The following SGCZ variants were observed in gnomAD, a reference collection of about 807,000 sequenced individuals.
SGCZ encodes zeta-sarcoglycan.
SGCZ carries 40 observed loss-of-function variants against 41.3 expected under a neutral mutation model. The ratio of observed to expected loss-of-function variants is 0.97; its 90% CI spans 0.75 to 1.26. The LOEUF (loss-of-function observed/expected upper bound fraction) is 1.26. Among genes scored for constraint, SGCZ ranks in the 50% most tolerant of loss-of-function variants. The probability of loss-of-function intolerance (pLI) is 0.00; values close to 1 mark genes in which losing one functional copy is unlikely to be tolerated. For synonymous variants in SGCZ, 206 were observed against 137.5 expected, an observed-to-expected ratio of 1.50 and a Z score of -3.49; for missense variants, 552 against 369.8, an observed-to-expected ratio of 1.49 and a Z score of -4.04.
At chr8:14,292,268 G>A (rs1800865933) in intron 3 of SGCZ, among the ~76,000 whole-genome samples, 1 of 151,960 alleles carries the variant, frequency 6.6e-6, no homozygotes, top group South Asian at 2.1e-4. Context: ...AAGTGTGATG[G>A]AGATTTGCAT....
At chr8:14,315,880 G>C (rs2117011283) in intron 3 of SGCZ, among the ~76,000 whole-genome samples, 1 of 151,434 alleles carries the variant, frequency 6.6e-6, no homozygotes, top group East Asian at 1.9e-4. Flanking sequence ...TGACTGTTCA[G>C]AATATTTAAA....
chr8:15,192,550 G>T (rs935563671), intron 1 of SGCZ, among the ~76,000 whole-genome samples: 2 of 152,036 alleles, frequency 1.3e-5, no homozygotes, highest in Non-Finnish European at 2.9e-5. Context: ...TTGAAATTTG[G>T]ATTTCCAATT....
chr8:14,546,137 T>C (rs1421963990), intron 2 of SGCZ, among the ~76,000 whole-genome samples: 5 of 152,164 alleles, frequency 3.3e-5, no homozygotes, highest in African/African-American at 1.2e-4. Flanking sequence ...AACGATATCA[T>C]TTACTCTCAT....
chr8:14,860,708 G>GAAAGAAAGAAAGAAAGAA lies in SGCZ; in HGVS notation c.40-305783_40-305782insTTCTTTCTTTCTTTCTTT, dbSNP rs1554513265. Among the ~76,000 whole-genome samples, 382 of 132,746 alleles carry GAAAGAAAGAAAGAAAGAA rather than the reference G, an allele frequency of 2.9e-3. 2 individuals carry two copies. The highest frequency in any genetic ancestry group is 0.01 in the African/African-American group (337 of 32,632). 87.1% of individuals were successfully genotyped at this position (132,746 alleles called of 152,430 possible). On this transcript the variant is annotated intron_variant, in intron 1 of 7. Transcript: ENST00000382080. ...AGAAAGAAAGAAGGAAAGAAAGAAA[G>GAAAGAAAGAAAGAAAGAA]AGAAAGAAAGAAAGAAAGAAAGAAA...
intron 1 of SGCZ, among the ~76,000 whole-genome samples, chr8:14,814,726 A>G (rs757602468): frequency 6.6e-6 from 1 of 152,168 alleles, no homozygotes; most frequent in African/African-American, 2.4e-5. Context: ...GACTTCTCTC[A>G]TCACCAAATC....
intron 1 of SGCZ, among the ~76,000 whole-genome samples, chr8:14,671,059 C>T (rs560726446): frequency 2.6e-5 from 4 of 152,324 alleles, no homozygotes; most frequent in Admixed American, 6.5e-5. Flanking sequence ...GAGTCCACTG[C>T]GCATTCATTT....
At chr8:15,037,990 T>C (rs1028914674) in intron 1 of SGCZ, among the ~76,000 whole-genome samples, 1 of 152,088 alleles carries the variant, frequency 6.6e-6, no homozygotes, top group Non-Finnish European at 1.5e-5. Context: ...TTCATGTTCA[T>C]AGAATGAAAT....
chr8:14,972,076 G>A (rs1801318086), intron 1 of SGCZ, among the ~76,000 whole-genome samples: 1 of 151,726 alleles, frequency 6.6e-6, no homozygotes, highest in Non-Finnish European at 1.5e-5. Context: ...TCTTCTTTTC[G>A]ATTTTCTGGA....
At chr8:15,113,054 C>G (rs1186416294) in intron 1 of SGCZ, among the ~76,000 whole-genome samples, 4 of 151,792 alleles carry the variant, frequency 2.6e-5, no homozygotes, top group Non-Finnish European at 5.9e-5. Context: ...ACAAAAAATA[C>G]AAAAATTAGC....
intron 4 of SGCZ, among the ~76,000 whole-genome samples, chr8:14,196,919 T>G (rs892899247): frequency 1.3e-5 from 2 of 152,070 alleles, no homozygotes; most frequent in Non-Finnish European, 1.5e-5. Flanking sequence ...TATTTATATA[T>G]AGAGAAAATA....
chr8:14,726,224 C>T (rs1585212186), intron 1 of SGCZ, among the ~76,000 whole-genome samples: 1 of 145,942 alleles, frequency 6.9e-6, no homozygotes, highest in East Asian at 2.0e-4. Flanking sequence ...GATTGTGCCA[C>T]TGCATTCCAG....
chr8:14,318,980 A>C (rs1801820768), intron 3 of SGCZ, among the ~76,000 whole-genome samples: 1 of 151,904 alleles, frequency 6.6e-6, no homozygotes, highest in Non-Finnish European at 1.5e-5. Context: ...GGCAAAACTT[A>C]TTTGAAAAAA....
intron 4 of SGCZ, chr8:14,165,133 G>T (rs894517358): frequency 4.5e-5 from 7 of 155,348 alleles, no homozygotes; most frequent in African/African-American, 1.7e-4. Context: ...GCTACATCAC[G>T]GAGGACTTGT....
intron 2 of SGCZ, among the ~76,000 whole-genome samples, chr8:14,545,327 A>T (rs931567040): frequency 4.6e-5 from 7 of 152,124 alleles, no homozygotes; most frequent in East Asian, 1.9e-4. Flanking sequence ...GCCCAATAAG[A>T]TAATTTTTAT....
chr8:14,955,291 T>A (rs528393433), intron 1 of SGCZ, among the ~76,000 whole-genome samples: 2 of 152,338 alleles, frequency 1.3e-5, no homozygotes, highest in East Asian at 3.9e-4. Context: ...TATACTGTTT[T>A]TCTTTTGTGT....
chr8:14,393,719 T>G (rs1585445690), intron 2 of SGCZ, among the ~76,000 whole-genome samples: 1 of 152,096 alleles, frequency 6.6e-6, no homozygotes, highest in Admixed American at 6.6e-5. Context: ...TTCTAAATTT[T>G]CCTGACATGT....
At chr8:14,436,700 T>G (rs1800104252) in intron 2 of SGCZ, among the ~76,000 whole-genome samples, 1 of 152,240 alleles carries the variant, frequency 6.6e-6, no homozygotes, top group Non-Finnish European at 1.5e-5. Context: ...TAACAGTTAC[T>G]AATTTCATTA....
At chr8:14,787,518 A>AATAAAAC (rs1800805270) in intron 1 of SGCZ, among the ~76,000 whole-genome samples, 1 of 152,150 alleles carries the variant, frequency 6.6e-6, no homozygotes. Context: ...ACTCTTTAAA[A>AATAAAAC]ACAGTAGTAA....
At position 15,237,627 on chromosome 8, in the gene SGCZ, G is replaced by A. The variant is rs776032745; in HGVS notation, c.-4C>T. ...CCAGGTTCGTTGATCTGTCCATGGA[G>A]CGCAACTAAACGAAGTGGAGAGGAA... On this transcript the variant is annotated 5_prime_UTR_variant, in exon 1 of 8. Coordinates refer to ENST00000382080, the MANE Select transcript of SGCZ (RefSeq NM_139167.4). The A allele has an allele frequency of 1.9e-6, 3 of 1,583,292 alleles. No homozygotes were observed. Among genetic ancestry groups the A allele is most frequent in the Middle Eastern group, 1.7e-4 (1 of 6,028 alleles).
Sources: gnomAD v4.1 joint callset for allele counts (sites outside exome capture counted in the v4.1 genomes callset) on GRCh38, gnomAD v4.1.1 for gene constraint, MANE v1.5 for transcripts, NCBI Gene and HGNC (gene_info 2026-07-23, HGNC 2026-07-21) for gene names.